MARK3: variants seen among roughly 807,000 people sequenced by gnomAD.
The protein encoded by MARK3 is MAP/microtubule affinity-regulating kinase 3.
MARK3 carries 46 observed loss-of-function variants against 90.1 expected under a neutral mutation model. The observed-to-expected ratio is 0.51, with a 90% CI of 0.40 to 0.65. MARK3 has a LOEUF of 0.65. Ranked by LOEUF, MARK3 falls within the 30% of genes least tolerant of loss-of-function variation. The pLI is 0.00. For missense variants in MARK3, 818 were observed against 947.2 expected, an observed-to-expected ratio of 0.86 and a Z score of 1.79; for synonymous variants, 321 against 332.6, an observed-to-expected ratio of 0.97 and a Z score of 0.38.
intron 6 of MARK3, among the ~76,000 whole-genome samples, chr14:103,460,073 CTTTTTTTTTTT>C (rs571611660): frequency 1.0e-3 from 42 of 41,720 alleles, no homozygotes; most frequent in African/African-American, 3.4e-3. Context: ...CCAGCTCCAT[CTTTTTTTTTTT>C]TTTTTTTTTT....
chr14:103,478,489 T>G (rs577111727), intron 13 of MARK3, among the ~76,000 whole-genome samples: 43 of 152,144 alleles, frequency 2.8e-4, no homozygotes, highest in African/African-American at 9.4e-4. Flanking sequence ...TACTTCTTTC[T>G]TTGACTCAGC....
intron 1 of MARK3, among the ~76,000 whole-genome samples, chr14:103,392,912 C>T (rs1216241010): frequency 4.0e-5 from 6 of 151,782 alleles, no homozygotes; most frequent in Admixed American, 3.9e-4. Context: ...CGGGTTCAAG[C>T]GATTCTCCTG....
chr14:103,465,410 GT>G (rs1252930726), intron 7 of MARK3, 146 bp from the exon 8 acceptor site: 2 of 616,318 alleles, frequency 3.2e-6, no homozygotes, highest in African/African-American at 1.8e-5. Flanking sequence ...CTTGTCTCCT[GT>G]TTTTTTCTCT....
intron 1 of MARK3, among the ~76,000 whole-genome samples, chr14:103,395,444 A>AT (rs1451083321): frequency 1.3e-5 from 2 of 151,848 alleles, no homozygotes. Context: ...CTGTGGCCAG[A>AT]TTCATCAGGC....
At position 103,485,680 on chromosome 14, in the gene MARK3, G is replaced by A. The variant is rs530355006; in HGVS notation, c.1586+5190G>A. On this transcript the variant is annotated intron_variant, in intron 14 of 17. Transcript: ENST00000429436. ...GTTCTGATAGGGGCTAGAGGTCATA[G>A]CAACAAATTCAAAGTGCCTATCCTT... 4.7e-4 allele frequency among the ~76,000 whole-genome samples: 72 copies of A among 152,236 alleles called. 1 individual carries two copies. The highest frequency in any genetic ancestry group is 3.7e-3 in the South Asian group (18 of 4,822).
At chr14:103,462,384 C>G (rs1262482821) in intron 6 of MARK3, 21 bp from the exon 7 acceptor site, 9 of 1,575,516 alleles carry the variant, frequency 5.7e-6, no homozygotes, top group Non-Finnish European at 7.8e-6. Flanking sequence ...TGATGACTGA[C>G]TCTGCGTCTC....
chr14:103,452,469 G>GTTTTTTTTTTTTTTTTTT, intron 5 of MARK3, among the ~76,000 whole-genome samples: 1 of 84,188 alleles, frequency 1.2e-5, no homozygotes, highest in Non-Finnish European at 3.2e-5. Context: ...TACAGGATTT[G>GTTTTTTTTTTTTTTTTTT]TCTTTTTTTT....
At chr14:103,468,455 G>T (rs542389681) in intron 12 of MARK3, among the ~76,000 whole-genome samples, 3 of 150,180 alleles carry the variant, frequency 2.0e-5, no homozygotes, top group Non-Finnish European at 4.4e-5. Flanking sequence ...CTCCTGAATA[G>T]CTGGGACTAC....
At chr14:103,468,557 C>A (rs1265890804) in intron 12 of MARK3, among the ~76,000 whole-genome samples, 1 of 151,838 alleles carries the variant, frequency 6.6e-6, no homozygotes, top group Non-Finnish European at 1.5e-5. Context: ...AGCTCCTGGC[C>A]TTAAGTGATC....
In MARK3 at chr14:103,491,905, G is replaced by A. The variant is rs775520582; in HGVS notation, c.1715G>A (p.Arg572Gln). 36 of 1,613,990 alleles carry A rather than the reference G, an allele frequency of 2.2e-5. No individual in the cohort carries two copies. The highest frequency in any genetic ancestry group is 2.9e-5 in the Non-Finnish European group (34 of 1,180,038). ...RSTFHGQPRE[R>Q]RTATYNGPPA... ...ACTTTCCACGGCCAGCCCCGGGAAC[G>A]GCGAACCGCAACATATAATGGCCCT... Residue 572 changes from arginine to glutamine, a missense_variant, in exon 15 of 18, where the codon CGG (arginine) becomes CAG (glutamine). Coordinates refer to ENST00000429436, the MANE Select transcript of MARK3 (RefSeq NM_001128918.3).
At chr14:103,407,551 C>G (rs183979570) in intron 2 of MARK3, among the ~76,000 whole-genome samples, 3 of 100,980 alleles carry the variant, frequency 3.0e-5, no homozygotes, top group Non-Finnish European at 5.9e-5. Flanking sequence ...GCCTGTTTTG[C>G]CTCTTTTTTT....
chr14:103,475,098 G>T lies in MARK3; in HGVS notation c.1370G>T (p.Gly457Val). Residue 457 changes from glycine (G) to valine (V), a missense_variant, in exon 13 of 18, where the codon GGC becomes GTC. Transcript: ENST00000429436. ...GGAATTTCCTCCCGGAAATCAAGTGGCAGTGCTGTTGGAGGAAAGGGAATT... is the reference window on the plus strand; with the variant it reads ...GGAATTTCCTCCCGGAAATCAAGTGTCAGTGCTGTTGGAGGAAAGGGAATT... ...EDGISSRKSS[G>V]SAVGGKGIAP... 1 of 1,614,166 alleles carries T rather than the reference G, an allele frequency of 6.2e-7. No individual in the cohort carries two copies.
At chr14:103,401,296 C>A (rs1194629233) in intron 1 of MARK3, among the ~76,000 whole-genome samples, 2 of 152,156 alleles carry the variant, frequency 1.3e-5, no homozygotes, top group Non-Finnish European at 2.9e-5. Flanking sequence ...TTAACCCTAA[C>A]AAGCATCAGA....
At position 103,420,234 on chromosome 14, in the gene MARK3, T is replaced by G. The variant is rs531685368; in HGVS notation, c.244-8153T>G. ...ACGGAATTCCACAGTTTTGAACATT[T>G]TTTTTTCTTTTTGAGACAGAGTCTT... On this transcript the variant is annotated intron_variant, in intron 2 of 17. Coordinates refer to ENST00000429436, the MANE Select transcript of MARK3 (RefSeq NM_001128918.3). Among the ~76,000 whole-genome samples the G allele has an allele frequency of 8.1e-4, 124 of 152,260 alleles. 1 individual carries two copies. The highest frequency in any genetic ancestry group is 2.9e-3 in the African/African-American group (119 of 41,548).
intron 1 of MARK3, among the ~76,000 whole-genome samples, chr14:103,403,465 G>T (rs1317100314): frequency 6.6e-6 from 1 of 151,764 alleles, no homozygotes; most frequent in African/African-American, 2.4e-5. Context: ...CACTATAGTG[G>T]TTAGCATTTA....
intron 1 of MARK3, among the ~76,000 whole-genome samples, chr14:103,395,986 G>A (rs187582670): frequency 6.6e-6 from 1 of 152,288 alleles, no homozygotes; most frequent in Non-Finnish European, 1.5e-5. Context: ...GGCAAGCACG[G>A]AATGCCCATG....
In MARK3 at chr14:103,402,520, C is replaced by T. The variant is rs569896571; in HGVS notation, c.52-2556C>T. 5.9e-4 allele frequency among the ~76,000 whole-genome samples: 88 copies of T among 150,184 alleles called. 1 individual carries two copies. The highest frequency in any genetic ancestry group is 2.1e-3 in the African/African-American group (86 of 41,028). On this transcript the variant is annotated intron_variant, in intron 1 of 17. Transcript: ENST00000429436. Reference sequence around the variant, plus strand: ...TGAGCTGAGATTGCGCCACTGCACTCCAGCTGACAGAGTGAGACTCCATCT... The same window carrying T: ...TGAGCTGAGATTGCGCCACTGCACTTCAGCTGACAGAGTGAGACTCCATCT...
chr14:103,398,562 G>A (rs1423753077), intron 1 of MARK3, among the ~76,000 whole-genome samples: 1 of 152,126 alleles, frequency 6.6e-6, no homozygotes, highest in Non-Finnish European at 1.5e-5. Flanking sequence ...GGTAGAGACA[G>A]GGTCTTGCTA....
At chr14:103,500,226 A>G (rs1237570805) in intron 17 of MARK3, 26 bp downstream of exon 17, 5 of 1,572,678 alleles carry the variant, frequency 3.2e-6, no homozygotes, top group Admixed American at 1.9e-5. Context: ...TTTACTTAAA[A>G]TTTTTTTCAG....
Sources: gnomAD v4.1 joint callset for allele counts (sites outside exome capture counted in the v4.1 genomes callset) on GRCh38, gnomAD v4.1.1 for gene constraint, MANE v1.5 for transcripts, NCBI Gene and HGNC (gene_info 2026-07-23, HGNC 2026-07-21) for gene names.